The following CCDC62 variants were observed in gnomAD, a reference collection of about 807,000 sequenced individuals.
The protein encoded by CCDC62 is coiled-coil domain-containing protein 62.
CCDC62 carries 72 observed loss-of-function variants against 80.8 expected under a neutral mutation model. That is an observed-to-expected ratio of 0.89 (90% CI 0.74 to 1.08). The LOEUF is 1.08. Ranked by LOEUF, CCDC62 falls within the 50% of genes least tolerant of loss-of-function variation. The probability of loss-of-function intolerance (pLI) is 0.00; values close to 1 mark genes in which losing one functional copy is unlikely to be tolerated. For synonymous variants in CCDC62, 286 were observed against 296.5 expected (o/e 0.96, Z 0.36); for missense variants, 704 against 809.4 (o/e 0.87, Z 1.58).
intron 2 of CCDC62, among the ~76,000 whole-genome samples, chr12:122,779,559 GACC>G (rs765402972): frequency 6.6e-6 from 1 of 152,124 alleles, no homozygotes; most frequent in Non-Finnish European, 1.5e-5. Flanking sequence ...CTGGTCCAGG[GACC>G]ACATTTTGAG....
intron 2 of CCDC62, among the ~76,000 whole-genome samples, chr12:122,779,486 A>ACCT (rs1459342072): frequency 0.063 from 9,620 of 152,166 alleles, 1,045 homozygotes; most frequent in African/African-American, 0.22. Context: ...TTCTGATACA[A>ACCT]TAGGTCTGGG....
At chr12:122,820,717 C>T (rs559412731) in intron 11 of CCDC62, among the ~76,000 whole-genome samples, 11 of 151,366 alleles carry the variant, frequency 7.3e-5, no homozygotes, top group South Asian at 4.2e-4. Context: ...GGTGGCGTGC[C>T]GTAATCCCAG....
intron 6 of CCDC62, among the ~76,000 whole-genome samples, chr12:122,795,628 G>C (rs1162202007): frequency 6.6e-6 from 1 of 152,052 alleles, no homozygotes; most frequent in South Asian, 2.1e-4. Flanking sequence ...GTTTCACCGT[G>C]TTAGCCAGGA....
At chr12:122,797,010 G>A (rs1220805363) in intron 6 of CCDC62, among the ~76,000 whole-genome samples, 1 of 151,586 alleles carries the variant, frequency 6.6e-6, no homozygotes, top group African/African-American at 2.4e-5. Flanking sequence ...CTCCCAAGTA[G>A]CTGGACCACA....
At chr12:122,810,253 T>A (rs1232617702) in intron 10 of CCDC62, among the ~76,000 whole-genome samples, 2 of 151,876 alleles carry the variant, frequency 1.3e-5, no homozygotes, top group Admixed American at 1.3e-4. Flanking sequence ...TGGGAGAAAA[T>A]TTTTGCAATC....
Position 122,806,313 on chromosome 12 carries a change from A to G in CCDC62, c.1851+18A>G. 1 of 1,595,158 alleles carries G rather than the reference A, an allele frequency of 6.3e-7. No individual in the cohort carries two copies. The highest frequency in any genetic ancestry group is 8.6e-7 in the Non-Finnish European group (1 of 1,167,368). On this transcript the variant is annotated intron_variant, in intron 10 of 12. Transcript: ENST00000253079. ...ATGAAAAGGTTCGTATTTTGCTTAG[A>G]CATCCCCAGCTTACTCAAGCCAGGC...
At chr12:122,795,419 A>G (rs1211379043) in intron 6 of CCDC62, among the ~76,000 whole-genome samples, 4 of 150,952 alleles carry the variant, frequency 2.6e-5, no homozygotes, top group African/African-American at 7.3e-5. Context: ...TAAAACTTGT[A>G]GAAAATGCAG....
At chr12:122,813,211 T>C in intron 10 of CCDC62, 59 bp from the exon 11 acceptor site, 2 of 1,485,224 alleles carry the variant, frequency 1.3e-6, no homozygotes, top group Non-Finnish European at 1.8e-6. Flanking sequence ...TATTCCTAGG[T>C]AGTTAGCATT....
chr12:122,821,286 C>T (rs1241293647), intron 11 of CCDC62, among the ~76,000 whole-genome samples: 2 of 152,188 alleles, frequency 1.3e-5, no homozygotes, highest in African/African-American at 2.4e-5. Context: ...TGATGGCCAG[C>T]GTTTAGCTGT....
chr12:122,780,702 C>T (rs1192710736), intron 2 of CCDC62, among the ~76,000 whole-genome samples: 2 of 151,692 alleles, frequency 1.3e-5, no homozygotes, highest in Admixed American at 1.3e-4. Context: ...CGTAATCATT[C>T]AGTGGAATAT....
Position 122,798,164 on chromosome 12 carries a change from A to G in CCDC62, c.941A>G (p.Asp314Gly). The change falls in exon 8 of 13, where the codon GAC becomes GGC. Residue 314 changes from aspartate (D) to glycine (G), a missense_variant. Physicochemically the swap from Asp to Gly is moderately conservative, Grantham distance 94. Coordinates refer to ENST00000253079, the MANE Select transcript of CCDC62 (RefSeq NM_201435.5). ...TCTCAGGAATTAATACAGATGTATG[A>G]CTCAAAGATGGAGGAATCAAAGGCT... ...ENSQELIQMY[D>G]SKMEESKALD... The G allele has an allele frequency of 6.3e-7, 1 of 1,586,474 alleles. No homozygotes were observed. The highest frequency in any genetic ancestry group is 2.2e-5 in the East Asian group (1 of 44,674).
intron 12 of CCDC62, among the ~76,000 whole-genome samples, chr12:122,824,563 G>A (rs773361936): frequency 9.2e-5 from 14 of 152,182 alleles, no homozygotes; most frequent in Non-Finnish European, 1.9e-4. Context: ...CACTGCTGGT[G>A]GGAATGTAAA....
chr12:122,784,120 C>T (rs1217751873), intron 3 of CCDC62, among the ~76,000 whole-genome samples: 6 of 152,210 alleles, frequency 3.9e-5, no homozygotes, highest in Non-Finnish European at 8.8e-5. Context: ...GCCTTTTCCA[C>T]AATGTCATAT....
chr12:122,822,060 A>AACACACACACACACAC (rs58108370), intron 11 of CCDC62, among the ~76,000 whole-genome samples: 13,104 of 115,620 alleles, frequency 0.11, 1,112 homozygotes, highest in East Asian at 0.29. Flanking sequence ...TATAAATTTA[A>AACACACACACACACAC]ACACACACAC....
chr12:122,779,552 G>A (rs1244318268), intron 2 of CCDC62, among the ~76,000 whole-genome samples: 1 of 152,140 alleles, frequency 6.6e-6, no homozygotes, highest in Non-Finnish European at 1.5e-5. Context: ...GCCGCTGCTG[G>A]TCCAGGGACC....
Position 122,774,661 on chromosome 12 carries a change from G to A in CCDC62, c.-10G>A. 1 of 1,251,206 alleles carries A rather than the reference G, an allele frequency of 8.0e-7. No individual in the cohort carries two copies. Among genetic ancestry groups the A allele is most frequent in the Non-Finnish European group, 1.0e-6 (1 of 988,782 alleles). The allele number at this position is 1,251,206 out of a possible 1,614,324, so 77.5% of individuals were successfully genotyped here. ...CACACCGGGCTTCTCCGGGGGCGGA[G>A]GAAACACCTATGAACCCTCCGGCAG... On this transcript the variant is annotated 5_prime_UTR_variant, in exon 1 of 13. Transcript: ENST00000253079.
intron 3 of CCDC62, among the ~76,000 whole-genome samples, chr12:122,782,554 G>A (rs1042711531): frequency 1.3e-5 from 2 of 152,026 alleles, no homozygotes; most frequent in African/African-American, 4.8e-5. Context: ...TGCCTCCTGG[G>A]TTCAAACAAT....
intron 11 of CCDC62, among the ~76,000 whole-genome samples, chr12:122,816,169 T>A (rs1025576566): frequency 6.6e-6 from 1 of 152,226 alleles, no homozygotes; most frequent in Non-Finnish European, 1.5e-5. Context: ...ATGTGTGCCA[T>A]ATAAACTTTT....
chr12:122,802,911 T>G (rs1351936624), intron 9 of CCDC62, among the ~76,000 whole-genome samples: 2 of 151,972 alleles, frequency 1.3e-5, no homozygotes, highest in Admixed American at 1.3e-4. Flanking sequence ...ACACGTGTAG[T>G]CCAAGCTACT....
Sources: gnomAD v4.1 joint callset for allele counts (sites outside exome capture counted in the v4.1 genomes callset) on GRCh38, gnomAD v4.1.1 for gene constraint, MANE v1.5 for transcripts, NCBI Gene and HGNC (gene_info 2026-07-23, HGNC 2026-07-21) for gene names.